Variants in RYR2 observed in about 807,000 individuals in gnomAD.
RYR2 encodes ryanodine receptor 2, also known as cardiac muscle ryanodine receptor-calcium release channel.
In RYR2, 227 loss-of-function variants were observed where a neutral mutation model predicts 601.1. That is an observed-to-expected ratio of 0.38 (90% CI 0.34 to 0.42). The LOEUF (loss-of-function observed/expected upper bound fraction) is 0.42. Ranked by LOEUF, RYR2 falls within the 10% of genes least tolerant of loss-of-function variation. The pLI is 1.00. For synonymous variants in RYR2, 2,223 were observed against 2,175.1 expected (o/e 1.02, Z -0.61); for missense variants, 4,646 against 6,156.5 (o/e 0.75, Z 8.21).
chr1:237,752,921 A>G (rs553504207), intron 80 of RYR2, among the ~76,000 whole-genome samples: 100 of 152,200 alleles, frequency 6.6e-4, no homozygotes, highest in Non-Finnish European at 1.2e-3. Flanking sequence ...GCTACCACCT[A>G]CAGTTTCTGA....
At chr1:237,347,389 A>G (rs1345177753) in intron 3 of RYR2, among the ~76,000 whole-genome samples, 1 of 152,170 alleles carries the variant, frequency 6.6e-6, no homozygotes, top group Non-Finnish European at 1.5e-5. Context: ...TTCTCAATAT[A>G]TATTAGTTTC....
intron 48 of RYR2, among the ~76,000 whole-genome samples, chr1:237,645,562 C>A (rs1682036615): frequency 6.6e-6 from 1 of 152,144 alleles, no homozygotes; most frequent in African/African-American, 2.4e-5. Context: ...AACATAATAA[C>A]AAAGAACCAA....
intron 1 of RYR2, among the ~76,000 whole-genome samples, chr1:237,101,892 G>C (rs1447832090): frequency 6.6e-6 from 1 of 152,192 alleles, no homozygotes; most frequent in East Asian, 1.9e-4. Context: ...GGGAGGGAGA[G>C]AAAGAGATTA....
chr1:237,107,468 C>T lies in RYR2; in HGVS notation c.48+64899C>T, dbSNP rs1158868799. Among the ~76,000 whole-genome samples, 21 of 125,862 alleles carry T rather than the reference C, an allele frequency of 1.7e-4. No homozygotes were observed. The South Asian group carries it at 1.7e-3, about 10-fold the overall frequency. 82.6% of individuals were successfully genotyped at this position (125,862 alleles called of 152,430 possible). On this transcript the variant is annotated intron_variant, in intron 1 of 104. Transcript: ENST00000366574. ...CCCAGAGGTGGAGTTTGCAGTGAGC[C>T]GAGATCGCACCACTGCACTCCAGCC... is the stretch of plus-strand genomic sequence containing the variant.
intron 27 of RYR2, among the ~76,000 whole-genome samples, chr1:237,557,081 G>A (rs1670981744): frequency 6.6e-6 from 1 of 152,046 alleles, no homozygotes; most frequent in Non-Finnish European, 1.5e-5. Context: ...TACTAAGACA[G>A]CTCACTTGCA....
chr1:237,466,066 T>C (rs1660053700), intron 16 of RYR2, among the ~76,000 whole-genome samples: 2 of 152,204 alleles, frequency 1.3e-5, no homozygotes, highest in Non-Finnish European at 2.9e-5. Flanking sequence ...GCATCAGTTT[T>C]AGTGAAAAAA....
chr1:237,673,949 G>T, intron 58 of RYR2, 147 bp from the exon 59 acceptor site: 1 of 526,012 alleles, frequency 1.9e-6, no homozygotes, highest in Non-Finnish European at 3.4e-6. Context: ...AAACATTAAA[G>T]GCAGTAGAGG....
At chr1:237,331,713 A>G (rs368201250) in intron 3 of RYR2, among the ~76,000 whole-genome samples, 5 of 147,714 alleles carry the variant, frequency 3.4e-5, no homozygotes, top group African/African-American at 1.3e-4. Context: ...ACGGGGTTTC[A>G]CCATGTTGGC....
In RYR2 at chr1:237,518,205, C is replaced by A. The variant is rs117778519; in HGVS notation, c.2822+6414C>A. 4.0e-4 allele frequency among the ~76,000 whole-genome samples: 61 copies of A among 152,246 alleles called. No individual in the cohort carries two copies. In the East Asian group the frequency reaches 7.1e-3, roughly 18 times the overall value. ...TTCCCACCTGAAATTATAATATCCTCCCAACAGATCCAATTGAAATACACC... is the reference window on the plus strand; with the variant it reads ...TTCCCACCTGAAATTATAATATCCTACCAACAGATCCAATTGAAATACACC... On this transcript the variant is annotated intron_variant, in intron 24 of 104. Transcript: ENST00000366574.
intron 4 of RYR2, among the ~76,000 whole-genome samples, chr1:237,356,293 G>T (rs1207516691): frequency 6.7e-6 from 1 of 149,004 alleles, no homozygotes; most frequent in Non-Finnish European, 1.5e-5. Context: ...CATACTGTCT[G>T]TATATCTTCT....
intron 70 of RYR2, among the ~76,000 whole-genome samples, chr1:237,710,346 A>T (rs931780389): frequency 8.5e-5 from 13 of 152,176 alleles, no homozygotes; most frequent in Non-Finnish European, 7.4e-5. Context: ...ATCATCTGAG[A>T]TATCTTACCA....
intron 84 of RYR2, among the ~76,000 whole-genome samples, chr1:237,762,908 C>T (rs955877260): frequency 6.6e-6 from 1 of 152,174 alleles, no homozygotes; most frequent in African/African-American, 2.4e-5. Context: ...CACTCATGAG[C>T]GTGGTAATTA....
rs1573202750 is a variant in RYR2 at position 237,627,837 on chromosome 1, T to C, written c.6197T>C (p.Met2066Thr). ...CTGCAGCAGCTGATTTCTGAGACCA[T>C]GGTCCGATGGGCTCAGGAGTCTGTC... ...STLQQLISETMVRWAQESVIE... is the reference protein window; with the variant it reads ...STLQQLISETTVRWAQESVIE... Residue 2066 changes from methionine (M) to threonine (T), a missense_variant, in exon 41 of 105, where the codon ATG becomes ACG. By Grantham distance (81) the Met-to-Thr change is moderately conservative. Transcript: ENST00000366574. 1.9e-6 allele frequency: 3 copies of C among 1,609,378 alleles called. No homozygotes were observed. The South Asian group carries it at 3.3e-5, about 18-fold the overall frequency.
intron 87 of RYR2, among the ~76,000 whole-genome samples, chr1:237,777,390 G>A (rs533433867): frequency 4.6e-5 from 7 of 152,138 alleles, no homozygotes; most frequent in Non-Finnish European, 1.0e-4. Context: ...TCAACATCTT[G>A]GATCTGGCCA....
At chr1:237,179,438 T>C (rs1430163434) in intron 1 of RYR2, among the ~76,000 whole-genome samples, 1 of 151,924 alleles carries the variant, frequency 6.6e-6, no homozygotes, top group Non-Finnish European at 1.5e-5. Flanking sequence ...TTTAGGAGAC[T>C]AGGAATACCT....
intron 1 of RYR2, among the ~76,000 whole-genome samples, chr1:237,095,923 C>T (rs1244208582): frequency 1.3e-5 from 2 of 152,210 alleles, no homozygotes; most frequent in Non-Finnish European, 2.9e-5. Context: ...GCTGGAGGGA[C>T]AGCCTGGGCC....
chr1:237,695,770 C>A (rs991274728), intron 63 of RYR2, among the ~76,000 whole-genome samples: 2 of 152,174 alleles, frequency 1.3e-5, no homozygotes, highest in Admixed American at 1.3e-4. Flanking sequence ...GCCTGGTCTA[C>A]AAATTAAAAT....
At chr1:237,248,912 C>T (rs1277506870) in intron 1 of RYR2, among the ~76,000 whole-genome samples, 1 of 152,014 alleles carries the variant, frequency 6.6e-6, no homozygotes, top group Non-Finnish European at 1.5e-5. Flanking sequence ...CAGGCATGCG[C>T]CACCACGTCC....
intron 1 of RYR2, among the ~76,000 whole-genome samples, chr1:237,261,404 A>C (rs566311243): frequency 6.6e-6 from 1 of 152,160 alleles, no homozygotes; most frequent in East Asian, 1.9e-4. Flanking sequence ...CTCTGACCTC[A>C]TCTCCCACCC....
Sources: allele counts gnomAD v4.1 joint callset (sites outside exome capture counted in the v4.1 genomes callset), GRCh38; gene constraint gnomAD v4.1.1; transcripts MANE v1.5; gene names NCBI Gene and HGNC (gene_info 2026-07-23, HGNC 2026-07-21).